Variants in PPARGC1A observed in about 807,000 individuals in gnomAD.
The protein encoded by PPARGC1A is PPARG coactivator 1 alpha.
In PPARGC1A, 25 loss-of-function variants were observed where a neutral mutation model predicts 88.7. The ratio of observed to expected loss-of-function variants is 0.28; its 90% CI spans 0.21 to 0.39. The LOEUF (loss-of-function observed/expected upper bound fraction) is 0.39, where lower values mean the gene tolerates loss of function less well. Ranked by LOEUF, PPARGC1A falls within the 10% of genes least tolerant of loss-of-function variation. PPARGC1A has a pLI of 1.00. For synonymous variants in PPARGC1A, 363 were observed against 355.6 expected (o/e 1.02, Z -0.24); for missense variants, 880 against 968.7 (o/e 0.91, Z 1.22).
the PPARGC1A span, among the ~76,000 whole-genome samples, chr4:24,188,970 G>T: frequency 6.6e-6 from 1 of 152,074 alleles, no homozygotes; most frequent in African/African-American, 2.4e-5. Flanking sequence ...GCCTTAAAAA[G>T]GAAGGAAATG....
the PPARGC1A span, among the ~76,000 whole-genome samples, chr4:24,454,312 G>A: frequency 6.6e-6 from 1 of 151,534 alleles, no homozygotes; most frequent in Non-Finnish European, 1.5e-5. Flanking sequence ...CATAGTATAT[G>A]GTTTCAGTTT....
chr4:24,459,588 G>A, the PPARGC1A span, among the ~76,000 whole-genome samples: 17 of 152,026 alleles, frequency 1.1e-4, no homozygotes, highest in Non-Finnish European at 2.2e-4. Flanking sequence ...TCAGGAGTTC[G>A]AGACCAGCCT....
At chr4:24,175,586 C>A in the PPARGC1A span, among the ~76,000 whole-genome samples, 7 of 123,132 alleles carry the variant, frequency 5.7e-5, no homozygotes. Context: ...TGGGGTTTTG[C>A]CACACTGGCC....
the PPARGC1A span, among the ~76,000 whole-genome samples, chr4:24,333,603 G>A: frequency 0.66 from 99,683 of 152,040 alleles, 34,600 homozygotes; most frequent in Admixed American, 0.79. Flanking sequence ...CTAGTCTGTG[G>A]TTTATAGTAT....
At chr4:24,387,926 GAAAGAA>G in the PPARGC1A span, among the ~76,000 whole-genome samples, 2 of 15,958 alleles carry the variant, frequency 1.3e-4, no homozygotes, top group Non-Finnish European at 3.5e-4. Flanking sequence ...AAGAAAGAAA[GAAAGAA>G]AGAGAAAGAA....
intron 10 of PPARGC1A, among the ~76,000 whole-genome samples, chr4:23,805,735 A>AT (rs200455589): frequency 4.6e-5 from 7 of 151,686 alleles, no homozygotes; most frequent in Admixed American, 1.3e-4. Flanking sequence ...GTGTTAAGGA[A>AT]TTTTTTTTTA....
chr4:23,874,558 T>TAAA (rs60012560), intron 2 of PPARGC1A, among the ~76,000 whole-genome samples: 4 of 139,368 alleles, frequency 2.9e-5, no homozygotes, highest in South Asian at 4.6e-4. Flanking sequence ...TTTTTCCCCC[T>TAAA]AAAAAAAAAA....
chr4:24,186,623 A>T, the PPARGC1A span, among the ~76,000 whole-genome samples: 5 of 151,970 alleles, frequency 3.3e-5, no homozygotes, highest in African/African-American at 9.7e-5. Context: ...CTCCATAAAC[A>T]TTTGCTGCTA....
chr4:24,117,257 CT>C, the PPARGC1A span, among the ~76,000 whole-genome samples: 49 of 152,270 alleles, frequency 3.2e-4, no homozygotes, highest in Middle Eastern at 3.4e-3. Context: ...TGAGATCATT[CT>C]GTGCCTTGGC....
rs2932963 is a variant in PPARGC1A at position 23,795,329 on chromosome 4, A to T, written c.*493T>A. On this transcript the variant is annotated 3_prime_UTR_variant, in exon 13 of 13. Coordinates refer to ENST00000264867, the MANE Select transcript of PPARGC1A (RefSeq NM_013261.5). ...TATATATATATATATATATATATAT[A>T]TTTCCTTTTGAATAGAATACGAACA... is the stretch of plus-strand genomic sequence containing the variant. 0.25 allele frequency: 2,618 copies of T among 10,348 alleles called. 108 individuals are homozygous for T. Among genetic ancestry groups the T allele is most frequent in the Middle Eastern group, 0.36 (5 of 14 alleles). 0.6% of individuals were successfully genotyped at this position (10,348 alleles called of 1,614,324 possible). A position where few individuals can be genotyped will look rare whatever the true frequency, so the allele number is the denominator to read the frequency against.
At chr4:23,969,217 C>CTGTTTAGAG in the PPARGC1A span, among the ~76,000 whole-genome samples, 1 of 152,156 alleles carries the variant, frequency 6.6e-6, no homozygotes, top group Non-Finnish European at 1.5e-5. Context: ...CGATAAATGT[C>CTGTTTAGAG]TGTTTAGAGT....
the PPARGC1A span, among the ~76,000 whole-genome samples, chr4:23,924,544 C>T: frequency 6.6e-6 from 1 of 152,132 alleles, no homozygotes; most frequent in Non-Finnish European, 1.5e-5. Flanking sequence ...ATCACTTGAA[C>T]CCAGGAGGCA....
chr4:24,278,590 C>T, the PPARGC1A span, among the ~76,000 whole-genome samples: 1 of 152,066 alleles, frequency 6.6e-6, no homozygotes, highest in Non-Finnish European at 1.5e-5. Flanking sequence ...AGGCTCAGTC[C>T]CTTCTGTTTT....
the PPARGC1A span, among the ~76,000 whole-genome samples, chr4:24,047,549 G>C: frequency 6.6e-6 from 1 of 152,220 alleles, no homozygotes; most frequent in Non-Finnish European, 1.5e-5. Context: ...CTAAGGCTTA[G>C]AGAGGTTAAG....
chr4:24,197,425 C>T, the PPARGC1A span, among the ~76,000 whole-genome samples: 1 of 152,196 alleles, frequency 6.6e-6, no homozygotes, highest in Admixed American at 6.5e-5. Flanking sequence ...TGAATTTCCA[C>T]AGAGGAAAAG....
the PPARGC1A span, among the ~76,000 whole-genome samples, chr4:24,107,228 C>T: frequency 1.1e-4 from 17 of 152,302 alleles, no homozygotes; most frequent in African/African-American, 4.1e-4. Context: ...ACTGTATTCA[C>T]TTGTGTAACT....
At chr4:24,213,006 C>A in the PPARGC1A span, among the ~76,000 whole-genome samples, 1 of 152,092 alleles carries the variant, frequency 6.6e-6, no homozygotes, top group Non-Finnish European at 1.5e-5. Context: ...ACAAAATCAG[C>A]CTTGTTGGTG....
chr4:24,287,717 G>T, the PPARGC1A span, among the ~76,000 whole-genome samples: 2 of 151,170 alleles, frequency 1.3e-5, no homozygotes, highest in East Asian at 1.9e-4. Flanking sequence ...ACAATAGTCA[G>T]AATACCAAGG....
At chr4:24,047,221 T>C in the PPARGC1A span, among the ~76,000 whole-genome samples, 1 of 152,214 alleles carries the variant, frequency 6.6e-6, no homozygotes, top group East Asian at 1.9e-4. Flanking sequence ...TAGTTTACTG[T>C]CCCTATTTGC....
Sources: gnomAD v4.1 joint callset for allele counts (sites outside exome capture counted in the v4.1 genomes callset) on GRCh38, gnomAD v4.1.1 for gene constraint, MANE v1.5 for transcripts, NCBI Gene and HGNC (gene_info 2026-07-23, HGNC 2026-07-21) for gene names.